The following KAZN variants were observed in gnomAD, a reference collection of about 807,000 sequenced individuals.
The protein encoded by KAZN is kazrin.
Under a neutral mutation model 87.4 loss-of-function variants are expected in KAZN, and 40 were observed. The observed-to-expected ratio is 0.46, with a 90% CI of 0.36 to 0.60. KAZN has a LOEUF of 0.60. KAZN is among the 20% of genes least tolerant of loss of function. The probability of loss-of-function intolerance (pLI) is 0.00; values close to 1 mark genes in which losing one functional copy is unlikely to be tolerated. For synonymous variants in KAZN, 466 were observed against 458.3 expected (o/e 1.02, Z -0.22); for missense variants, 898 against 1,073.9 (o/e 0.84, Z 2.29).
intron 2 of KAZN, among the ~76,000 whole-genome samples, chr1:14,258,390 ATTT>A (rs760768355): frequency 4.4e-4 from 55 of 125,502 alleles, no homozygotes; most frequent in African/African-American, 1.3e-3. Context: ...TAAATTTTGT[ATTT>A]TTTTTTTTTT....
intron 2 of KAZN, among the ~76,000 whole-genome samples, chr1:14,510,028 G>C (rs1034190235): frequency 2.0e-5 from 3 of 152,312 alleles, no homozygotes; most frequent in African/African-American, 7.2e-5. Flanking sequence ...ACAAGTGTGA[G>C]ATGGAGTTAG....
chr1:14,309,764 G>A (rs1033638686), intron 2 of KAZN, among the ~76,000 whole-genome samples: 5 of 151,668 alleles, frequency 3.3e-5, no homozygotes, highest in African/African-American at 1.2e-4. Flanking sequence ...TAGAGATGGG[G>A]TTTTTCTATG....
intron 1 of KAZN, among the ~76,000 whole-genome samples, chr1:14,796,043 G>A (rs531970888): frequency 7.6e-4 from 115 of 152,218 alleles, no homozygotes; most frequent in Middle Eastern, 3.4e-3. Flanking sequence ...ACTCCTCATG[G>A]GAGGAATCTA....
chr1:14,058,926 G>A (rs1269530751), intron 1 of KAZN, among the ~76,000 whole-genome samples: 1 of 152,166 alleles, frequency 6.6e-6, no homozygotes, highest in Non-Finnish European at 1.5e-5. Flanking sequence ...CAAAGAACTG[G>A]GAGAAGCCTA....
At chr1:13,986,465 T>C (rs1424486576) in intron 1 of KAZN, among the ~76,000 whole-genome samples, 1 of 152,208 alleles carries the variant, frequency 6.6e-6, no homozygotes, top group Non-Finnish European at 1.5e-5. Context: ...AAGGAAAAAT[T>C]ATCTCCAAAT....
At chr1:14,129,491 C>A (rs753341216) in intron 1 of KAZN, among the ~76,000 whole-genome samples, 1 of 152,236 alleles carries the variant, frequency 6.6e-6, no homozygotes. Flanking sequence ...CCCGATTCCT[C>A]CCCTGAATCC....
chr1:14,760,311 T>C (rs1238473070), intron 1 of KAZN, among the ~76,000 whole-genome samples: 1 of 152,246 alleles, frequency 6.6e-6, no homozygotes, highest in Admixed American at 6.5e-5. Flanking sequence ...CCAATGTTTT[T>C]ACAAATTGTT....
chr1:14,685,657 T>C (rs1249593148), intron 1 of KAZN, among the ~76,000 whole-genome samples: 2 of 152,220 alleles, frequency 1.3e-5, no homozygotes, highest in African/African-American at 4.8e-5. Context: ...TGTACTGTTA[T>C]TTAATGAAAC....
intron 1 of KAZN, among the ~76,000 whole-genome samples, chr1:14,106,141 G>A (rs985132766): frequency 2.6e-5 from 4 of 152,204 alleles, no homozygotes; most frequent in African/African-American, 7.2e-5. Flanking sequence ...AAACCCAGAA[G>A]GGGTAGCCTC....
chr1:14,351,621 C>CAGG (rs1336541503), intron 2 of KAZN, among the ~76,000 whole-genome samples: 1 of 152,134 alleles, frequency 6.6e-6, no homozygotes, highest in Non-Finnish European at 1.5e-5. Context: ...TAAACAAAGG[C>CAGG]AGGGCCATCA....
At chr1:15,032,403 A>G (rs1469990425) in intron 2 of KAZN, among the ~76,000 whole-genome samples, 1 of 151,388 alleles carries the variant, frequency 6.6e-6, no homozygotes, top group African/African-American at 2.4e-5. Context: ...CATGTTAGCC[A>G]GGATGGTCTC....
chr1:14,207,514 TCTCACTCA>T (rs927013564), intron 2 of KAZN, among the ~76,000 whole-genome samples: 4 of 152,158 alleles, frequency 2.6e-5, no homozygotes, highest in Admixed American at 6.5e-5. Context: ...CACAATATGA[TCTCACTCA>T]CTCACTCACT....
At chr1:14,514,477 T>TATATATGTAAAA (rs1186961999) in intron 2 of KAZN, among the ~76,000 whole-genome samples, 1 of 21,034 alleles carries the variant, frequency 4.8e-5, no homozygotes, top group East Asian at 6.4e-4. Context: ...TATAAATATT[T>TATATATGTAAAA]TATATAAATA....
At chr1:14,295,870 A>G (rs1654073286) in intron 2 of KAZN, among the ~76,000 whole-genome samples, 1 of 152,152 alleles carries the variant, frequency 6.6e-6, no homozygotes, top group African/African-American at 2.4e-5. Flanking sequence ...ATCACGGGGT[A>G]CTGTCTGCCT....
chr1:14,130,721 G>A (rs1644974994), intron 1 of KAZN, among the ~76,000 whole-genome samples: 1 of 152,044 alleles, frequency 6.6e-6, no homozygotes, highest in South Asian at 2.1e-4. Context: ...GTCTCTTTTT[G>A]GGACCTGATA....
chr1:15,006,451 G>C (rs970051153), intron 2 of KAZN, among the ~76,000 whole-genome samples: 1 of 152,224 alleles, frequency 6.6e-6, no homozygotes, highest in Non-Finnish European at 1.5e-5. Context: ...CCTCCTGACA[G>C]CGAGCCGGGA....
At chr1:14,844,163 C>T (rs1572630342) in intron 1 of KAZN, among the ~76,000 whole-genome samples, 2 of 152,136 alleles carry the variant, frequency 1.3e-5, no homozygotes, top group East Asian at 1.9e-4. Flanking sequence ...CACAGCACCC[C>T]ACTCCAGCCC....
At chr1:14,845,927 G>A (rs1285945692) in intron 1 of KAZN, among the ~76,000 whole-genome samples, 1 of 152,108 alleles carries the variant, frequency 6.6e-6, no homozygotes, top group Admixed American at 6.5e-5. Flanking sequence ...ACCTAAAGAA[G>A]GTTTGACAAA....
chr1:14,931,472 G>A (rs772207917), intron 1 of KAZN, among the ~76,000 whole-genome samples: 8 of 151,984 alleles, frequency 5.3e-5, no homozygotes, highest in Non-Finnish European at 8.8e-5. Flanking sequence ...AGAAGTCATG[G>A]GAATGTCTTG....
Sources: allele counts gnomAD v4.1 joint callset (sites outside exome capture counted in the v4.1 genomes callset), GRCh38; gene constraint gnomAD v4.1.1; transcripts MANE v1.5; gene names NCBI Gene and HGNC (gene_info 2026-07-23, HGNC 2026-07-21).